The following CSMD1 variants were observed in gnomAD, a reference collection of about 807,000 sequenced individuals.
CSMD1 encodes the protein CUB and sushi domain-containing protein 1.
A neutral mutation model predicts 417.5 loss-of-function variants in CSMD1; 213 were observed. That is an observed-to-expected ratio of 0.51 (90% CI 0.46 to 0.57). The LOEUF is 0.57. Among genes scored for constraint, CSMD1 ranks in the 20% least tolerant of loss-of-function variants. The pLI, the probability that CSMD1 is intolerant of heterozygous loss-of-function variation, is 0.00. For missense variants in CSMD1, 6,923 were observed against 4,529.7 expected (o/e 1.53, Z -15.17); for synonymous variants, 2,862 against 1,736.8 (o/e 1.65, Z -16.11).
chr8:3,758,233 G>C lies in CSMD1; in HGVS notation c.819-4191C>G, dbSNP rs142200067. On this transcript the variant is annotated intron_variant, in intron 5 of 69. Coordinates refer to ENST00000635120, the MANE Select transcript of CSMD1 (RefSeq NM_033225.6). ...ACCCCATCATCTTCCCAGAGTGCTA[G>C]GGTTACAGGCGTGAGCCATCACACT... Among the ~76,000 whole-genome samples, 160 of 152,322 alleles carry C rather than the reference G, an allele frequency of 1.1e-3. 1 individual carries two copies. The highest frequency in any genetic ancestry group is 3.4e-3 in the Middle Eastern group (1 of 294).
chr8:3,823,006 T>A (rs1346516229), intron 5 of CSMD1, among the ~76,000 whole-genome samples: 1 of 152,166 alleles, frequency 6.6e-6, no homozygotes, highest in Admixed American at 6.5e-5. Flanking sequence ...TTACGAAGGC[T>A]GAGTCAGCTG....
chr8:4,720,571 C>T (rs192964021), intron 1 of CSMD1, among the ~76,000 whole-genome samples: 2 of 152,196 alleles, frequency 1.3e-5, no homozygotes, highest in Non-Finnish European at 2.9e-5. Flanking sequence ...GCACATGCCA[C>T]CATGCCAGGC....
chr8:2,984,435 G>A (rs533515421), intron 54 of CSMD1, among the ~76,000 whole-genome samples: 4 of 151,864 alleles, frequency 2.6e-5, no homozygotes, highest in South Asian at 2.1e-4. Flanking sequence ...TGCAACCTCC[G>A]CCTCCCTGGT....
chr8:3,050,379 A>T (rs1391110606), intron 50 of CSMD1, among the ~76,000 whole-genome samples: 1 of 152,216 alleles, frequency 6.6e-6, no homozygotes, highest in African/African-American at 2.4e-5. Context: ...AAGCTATTTG[A>T]AATATTTGGC....
chr8:3,973,917 G>A (rs924799978), intron 5 of CSMD1, among the ~76,000 whole-genome samples: 1 of 152,140 alleles, frequency 6.6e-6, no homozygotes, highest in African/African-American at 2.4e-5. Flanking sequence ...TTTTGATACA[G>A]GAATGCCATG....
At chr8:3,519,252 C>A (rs893430897) in intron 10 of CSMD1, among the ~76,000 whole-genome samples, 1 of 152,124 alleles carries the variant, frequency 6.6e-6, no homozygotes, top group Admixed American at 6.6e-5. Context: ...AACATTTTGT[C>A]CTGTTCATAT....
chr8:3,637,462 G>A (rs1419758829), intron 7 of CSMD1, among the ~76,000 whole-genome samples: 1 of 152,130 alleles, frequency 6.6e-6, no homozygotes, highest in East Asian at 1.9e-4. Context: ...AAGGTAATAT[G>A]ACCTACCATA....
At chr8:3,893,869 C>T (rs746399043) in intron 5 of CSMD1, among the ~76,000 whole-genome samples, 4 of 151,902 alleles carry the variant, frequency 2.6e-5, no homozygotes, top group Admixed American at 6.6e-5. Context: ...AAAAACACAC[C>T]CCTGGTTGGA....
intron 2 of CSMD1, among the ~76,000 whole-genome samples, chr8:4,627,239 T>C (rs1802171086): frequency 6.6e-6 from 1 of 152,148 alleles, no homozygotes; most frequent in African/African-American, 2.4e-5. Flanking sequence ...TCCAGTCACT[T>C]GAAATGGGCA....
intron 3 of CSMD1, among the ~76,000 whole-genome samples, chr8:4,082,799 G>T (rs532036562): frequency 8.0e-6 from 1 of 125,330 alleles, no homozygotes; most frequent in South Asian, 2.5e-4. Flanking sequence ...ACAATGTGAT[G>T]TTCCCTTTCC....
intron 5 of CSMD1, among the ~76,000 whole-genome samples, chr8:3,924,221 C>T (rs565245360): frequency 6.6e-6 from 1 of 152,214 alleles, no homozygotes; most frequent in Admixed American, 6.5e-5. Flanking sequence ...TCCATTTTTT[C>T]CTGGTCTTCA....
Position 3,872,338 on chromosome 8 carries a change from C to T in CSMD1, c.819-118296G>A, listed in dbSNP as rs77206480. 3.3e-3 allele frequency among the ~76,000 whole-genome samples: 498 copies of T among 152,294 alleles called. 4 individuals are homozygous for T. The highest frequency in any genetic ancestry group is 8.7e-3 in the African/African-American group (361 of 41,568). On this transcript the variant is annotated intron_variant, in intron 5 of 69. Coordinates refer to ENST00000635120, the MANE Select transcript of CSMD1 (RefSeq NM_033225.6). ...ATTCTCAGTTCTCCCAGCTTTCCCCCGGCAAAGTGCCAGGTGCTGTGTTGG... is the reference window on the plus strand; with the variant it reads ...ATTCTCAGTTCTCCCAGCTTTCCCCTGGCAAAGTGCCAGGTGCTGTGTTGG...
At chr8:3,718,581 T>C (rs1336320630) in intron 6 of CSMD1, among the ~76,000 whole-genome samples, 1 of 152,178 alleles carries the variant, frequency 6.6e-6, no homozygotes, top group Non-Finnish European at 1.5e-5. Context: ...AGCACTAAAT[T>C]AAAAGATAAA....
chr8:3,985,392 T>C (rs1814242603), intron 5 of CSMD1, among the ~76,000 whole-genome samples: 1 of 152,196 alleles, frequency 6.6e-6, no homozygotes, highest in Non-Finnish European at 1.5e-5. Flanking sequence ...AGTAAATGAA[T>C]ATACATCTAC....
Position 3,052,766 on chromosome 8 carries a change from T to C in CSMD1, c.7475-119A>G, listed in dbSNP as rs145631978. ...CATTTTTCATTAAAATTGTGAATTA[T>C]ATTTCTTTTTTTTTCTTTCTTTTTT... On this transcript the variant is annotated intron_variant, in intron 49 of 69. Transcript: ENST00000635120. 24 of 653,648 alleles carry C rather than the reference T, an allele frequency of 3.7e-5. No homozygotes were observed. The African/African-American group carries it at 4.7e-4, about 13-fold the overall frequency. The allele number at this position is 653,648 out of a possible 1,614,324, so 40.5% of individuals were successfully genotyped here. A position where few individuals can be genotyped will look rare whatever the true frequency, so the allele number is the denominator to read the frequency against.
intron 3 of CSMD1, among the ~76,000 whole-genome samples, chr8:4,278,287 A>G (rs1796596639): frequency 6.6e-6 from 1 of 152,168 alleles, no homozygotes; most frequent in Admixed American, 6.5e-5. Context: ...TGTAAAGTTC[A>G]AGGAGGTTAA....
At chr8:4,528,863 T>G (rs1438166723) in intron 2 of CSMD1, among the ~76,000 whole-genome samples, 1 of 152,030 alleles carries the variant, frequency 6.6e-6, no homozygotes, top group African/African-American at 2.4e-5. Flanking sequence ...TAAGAAAAGG[T>G]ATAGTACTAA....
At chr8:3,577,949 G>C (rs1585398747) in intron 9 of CSMD1, among the ~76,000 whole-genome samples, 1 of 152,138 alleles carries the variant, frequency 6.6e-6, no homozygotes, top group East Asian at 1.9e-4. Flanking sequence ...CCTGTGGCTT[G>C]AGCTGTTGTG....
intron 52 of CSMD1, among the ~76,000 whole-genome samples, chr8:3,005,935 G>A (rs1481675330): frequency 6.6e-6 from 1 of 152,092 alleles, no homozygotes. Flanking sequence ...AATTAGGCAG[G>A]AGAAGGAAAT....
Sources: allele counts gnomAD v4.1 joint callset (sites outside exome capture counted in the v4.1 genomes callset), GRCh38; gene constraint gnomAD v4.1.1; transcripts MANE v1.5; gene names NCBI Gene and HGNC (gene_info 2026-07-23, HGNC 2026-07-21).